KANK1: variants seen among roughly 807,000 people sequenced by gnomAD.
KANK1 encodes KN motif and ankyrin repeat domain-containing protein 1.
KANK1 carries 109 observed loss-of-function variants against 106.2 expected under a neutral mutation model. That is an observed-to-expected ratio of 1.03 (90% confidence interval 0.88 to 1.20). The LOEUF is 1.20. KANK1 is among the 50% of genes most tolerant of loss of function. KANK1 has a pLI of 0.00. For synonymous variants in KANK1, 873 were observed against 652.2 expected (o/e 1.34, Z -5.16); for missense variants, 2,399 against 1,710.7 (o/e 1.40, Z -7.10).
At chr9:576,154 A>C (rs919470528) in intron 1 of KANK1, among the ~76,000 whole-genome samples, 1 of 152,230 alleles carries the variant, frequency 6.6e-6, no homozygotes, top group African/African-American at 2.4e-5. Context: ...CTTACTCTGA[A>C]GGTGGGAGTC....
chr9:529,356 A>C (rs956346518), intron 1 of KANK1, among the ~76,000 whole-genome samples: 8 of 150,736 alleles, frequency 5.3e-5, no homozygotes, highest in Non-Finnish European at 1.0e-4. Flanking sequence ...TGGCGCCACC[A>C]TGCCCAGCTA....
intron 1 of KANK1, among the ~76,000 whole-genome samples, chr9:669,055 GAATA>G (rs1432870137): frequency 3.3e-5 from 5 of 152,044 alleles, no homozygotes; most frequent in Non-Finnish European, 5.9e-5. Context: ...ACAAAAAAAA[GAATA>G]AATAAAAAAC....
chr9:519,422 G>T (rs1280101535), intron 1 of KANK1, among the ~76,000 whole-genome samples: 1 of 151,538 alleles, frequency 6.6e-6, no homozygotes, highest in Non-Finnish European at 1.5e-5. Flanking sequence ...GTAGCTATGA[G>T]AGGAGTCTTA....
chr9:536,726 C>T (rs1174185490), intron 1 of KANK1, among the ~76,000 whole-genome samples: 1 of 152,116 alleles, frequency 6.6e-6, no homozygotes, highest in African/African-American at 2.4e-5. Flanking sequence ...ATCTTAATGC[C>T]GTCTGCACAA....
intron 3 of KANK1, among the ~76,000 whole-genome samples, chr9:499,046 C>T (rs533828810): frequency 5.1e-4 from 77 of 151,956 alleles, no homozygotes; most frequent in African/African-American, 1.7e-3. Context: ...GGCGTGGTGG[C>T]GAGCGCCTGT....
At chr9:494,738 T>C (rs867543317) in intron 3 of KANK1, among the ~76,000 whole-genome samples, 1 of 152,150 alleles carries the variant, frequency 6.6e-6, no homozygotes, top group African/African-American at 2.4e-5. Context: ...ACTGGCTGTA[T>C]AGCATCCTGC....
At chr9:691,091 T>A (rs1375855208) in intron 2 of KANK1, among the ~76,000 whole-genome samples, 4 of 152,232 alleles carry the variant, frequency 2.6e-5, no homozygotes, top group African/African-American at 4.8e-5. Flanking sequence ...AATTTTTAAT[T>A]GTTTCCCTTC....
chr9:569,355 C>A (rs1484333354), intron 1 of KANK1, among the ~76,000 whole-genome samples: 1 of 152,080 alleles, frequency 6.6e-6, no homozygotes, highest in Non-Finnish European at 1.5e-5. Context: ...TAAGAGGTGG[C>A]TCTGCCCTCA....
intron 2 of KANK1, among the ~76,000 whole-genome samples, chr9:682,118 A>C (rs1330885328): frequency 1.3e-5 from 2 of 151,972 alleles, no homozygotes; most frequent in African/African-American, 4.8e-5. Context: ...CGTCTCTACT[A>C]AAAATATAAA....
intron 1 of KANK1, among the ~76,000 whole-genome samples, chr9:597,665 TTTTA>T (rs1826554216): frequency 6.6e-6 from 1 of 151,510 alleles, no homozygotes; most frequent in Non-Finnish European, 1.5e-5. Context: ...TTTTTTTAAT[TTTTA>T]TTTATTTTTT....
At chr9:739,136 A>C (rs563545903) in intron 8 of KANK1, among the ~76,000 whole-genome samples, 1 of 152,314 alleles carries the variant, frequency 6.6e-6, no homozygotes, top group African/African-American at 2.4e-5. Context: ...CATCTTAGAC[A>C]TGAAGTGAGG....
intron 1 of KANK1, among the ~76,000 whole-genome samples, chr9:603,973 A>AAAG (rs1828440470): frequency 6.6e-6 from 1 of 151,216 alleles, no homozygotes; most frequent in Non-Finnish European, 1.5e-5. Flanking sequence ...AAAAAAAAAA[A>AAAG]AAAGTAAAAT....
At chr9:738,779 A>G (rs911886214) in intron 8 of KANK1, among the ~76,000 whole-genome samples, 1 of 152,246 alleles carries the variant, frequency 6.6e-6, no homozygotes, top group Non-Finnish European at 1.5e-5. Context: ...TGAGAGGTGT[A>G]TGCCTGGTAA....
chr9:635,318 G>C (rs183857943), intron 1 of KANK1, among the ~76,000 whole-genome samples: 1 of 152,082 alleles, frequency 6.6e-6, no homozygotes. Flanking sequence ...CTTTCCTTGC[G>C]CACTCCCTGT....
At chr9:485,366 AT>A (rs2058273400) in intron 3 of KANK1, among the ~76,000 whole-genome samples, 1 of 152,232 alleles carries the variant, frequency 6.6e-6, no homozygotes, top group Non-Finnish European at 1.5e-5. Context: ...CAATTCAATG[AT>A]TTTTAGTAAA....
At chr9:693,615 C>T (rs1473351082) in intron 2 of KANK1, 1 of 985,260 alleles carries the variant, frequency 1.0e-6, no homozygotes, top group African/African-American at 1.7e-5. Context: ...ACCCCGTGGC[C>T]AGCAGGCTGT....
chr9:545,034 G>T (rs1417911452), intron 1 of KANK1, among the ~76,000 whole-genome samples: 2 of 151,572 alleles, frequency 1.3e-5, no homozygotes, highest in Admixed American at 6.5e-5. Context: ...TGACCTTGGG[G>T]CTAGAAAAAG....
At chr9:608,239 T>G (rs954250488) in intron 1 of KANK1, among the ~76,000 whole-genome samples, 1 of 150,472 alleles carries the variant, frequency 6.6e-6, no homozygotes, top group Non-Finnish European at 1.5e-5. Context: ...GGGTTTCACC[T>G]TGTTAGCCAG....
intron 3 of KANK1, among the ~76,000 whole-genome samples, chr9:728,469 G>A (rs1168687006): frequency 6.7e-6 from 1 of 149,620 alleles, no homozygotes; most frequent in East Asian, 2.0e-4. Flanking sequence ...AAGTGCTGGG[G>A]TTAACAGGCA....
Sources: gnomAD v4.1 joint callset for allele counts (sites outside exome capture counted in the v4.1 genomes callset) on GRCh38, gnomAD v4.1.1 for gene constraint, MANE v1.5 for transcripts, NCBI Gene and HGNC (gene_info 2026-07-23, HGNC 2026-07-21) for gene names.